NOD2: variants seen among roughly 807,000 people sequenced by gnomAD.
The protein encoded by NOD2 is nucleotide-binding oligomerization domain-containing protein 2.
In NOD2, 86 loss-of-function variants were observed where a neutral mutation model predicts 90.9. The ratio of observed to expected loss-of-function variants is 0.95; its 90% confidence interval spans 0.79 to 1.13. The LOEUF is 1.13. Among genes scored for constraint, NOD2 ranks in the 50% most tolerant of loss-of-function variants. The pLI, the probability that NOD2 is intolerant of heterozygous loss-of-function variation, is 0.00. For synonymous variants in NOD2, 581 were observed against 554.6 expected (o/e 1.05, Z -0.67); for missense variants, 1,238 against 1,283.8 (o/e 0.96, Z 0.55).
At chr16:50,716,046 G>T (rs1402714675) in intron 4 of NOD2, among the ~76,000 whole-genome samples, 1 of 152,164 alleles carries the variant, frequency 6.6e-6, no homozygotes, top group Non-Finnish European at 1.5e-5. Flanking sequence ...GCAGGGACTA[G>T]CCTGTTGGAG....
intron 9 of NOD2, among the ~76,000 whole-genome samples, chr16:50,723,880 G>A (rs1403188608): frequency 6.6e-6 from 1 of 151,384 alleles, no homozygotes; most frequent in Non-Finnish European, 1.5e-5. Flanking sequence ...TACTATTACT[G>A]CTGCTGCTGC....
chr16:50,703,938 G>GTGCTTTGT (rs1964062511), intron 2 of NOD2, among the ~76,000 whole-genome samples: 1 of 152,202 alleles, frequency 6.6e-6, no homozygotes, highest in East Asian at 1.9e-4. Context: ...ATGGCCAGAG[G>GTGCTTTGT]AAGTGGGCTG....
Position 50,733,003 on chromosome 16 carries a change from T to C in NOD2, c.*1184T>C, listed in dbSNP as rs1965507804. 6.6e-6 allele frequency: 1 copy of C among 152,402 alleles called. No individual in the cohort carries two copies. The highest frequency in any genetic ancestry group is 2.4e-5 in the African/African-American group (1 of 41,478). The allele number at this position is 152,402 out of a possible 1,614,324, so 9.4% of individuals were successfully genotyped here. ...ACTTTGTTTTACTGTCTTAAGTTTA[T>C]ACTCTTATAGACAACATGGCCGTGA... On this transcript the variant is annotated 3_prime_UTR_variant, in exon 12 of 12. Transcript: ENST00000647318.
intron 10 of NOD2, chr16:50,727,728 C>T (rs968352540): frequency 2.5e-5 from 9 of 355,118 alleles, no homozygotes; most frequent in East Asian, 7.8e-5. Context: ...CGGGTGTTGT[C>T]GTGGAGAATT....
At chr16:50,709,194 A>G (rs1964345562) in intron 3 of NOD2, among the ~76,000 whole-genome samples, 1 of 152,200 alleles carries the variant, frequency 6.6e-6, no homozygotes, top group Non-Finnish European at 1.5e-5. Flanking sequence ...GGATCCTGGT[A>G]TATTCAGAGG....
At chr16:50,718,330 G>A (rs1303893804) in intron 6 of NOD2, among the ~76,000 whole-genome samples, 2 of 152,210 alleles carry the variant, frequency 1.3e-5, no homozygotes, top group Non-Finnish European at 2.9e-5. Context: ...AGGAGCAGAC[G>A]ATCTTGATGA....
chr16:50,728,293 A>G, intron 10 of NOD2: 1 of 341,170 alleles, frequency 2.9e-6, no homozygotes, highest in Non-Finnish European at 5.8e-6. Context: ...TCCTTCGCAA[A>G]ACTTCTTGAA....
In NOD2 at chr16:50,732,565, A is replaced by C. The variant is rs145051635; in HGVS notation, c.*746A>C. ...AAAATATGACCACACTCCAGCTGGG[A>C]TCACATGTGGACTTTTATTTCCAGT... On this transcript the variant is annotated 3_prime_UTR_variant, in exon 12 of 12. Transcript: ENST00000647318. The C allele has an allele frequency of 1.3e-5, 2 of 152,848 alleles. No individual in the cohort carries two copies. The highest frequency in any genetic ancestry group is 3.8e-4 in the East Asian group (2 of 5,322). The allele number at this position is 152,848 out of a possible 1,614,324, so 9.5% of individuals were successfully genotyped here.
Position 50,716,972 on chromosome 16 carries a change from G to A in NOD2, c.2547G>A (p.Leu849=). ...CATGCAGGCAGAACTTCTTGGCATT[G>A]AGGTGAGCCCAGGTTTTCCTTATTC... ...LLACRQNFLA[L]RLGNNYITAA... is the part of the protein sequence containing the mutation. The change falls in exon 6 of 12, where the codon TTG becomes TTA. Residue 849 remains leucine, a splice_region_variant and synonymous_variant. Transcript: ENST00000647318. The A allele has an allele frequency of 1.9e-6, 3 of 1,614,196 alleles. No individual in the cohort carries two copies. Among genetic ancestry groups the A allele is most frequent in the Non-Finnish European group, 2.5e-6 (3 of 1,179,992 alleles).
At chr16:50,695,387 T>G (rs1596814746) in intron 1 of NOD2, among the ~76,000 whole-genome samples, 1 of 152,186 alleles carries the variant, frequency 6.6e-6, no homozygotes, top group African/African-American at 2.4e-5. Context: ...TCTGGAGGTT[T>G]GAAGCTGCCA....
intron 9 of NOD2, among the ~76,000 whole-genome samples, chr16:50,724,348 T>G (rs1289842717): frequency 6.6e-6 from 1 of 152,236 alleles, no homozygotes; most frequent in Non-Finnish European, 1.5e-5. Context: ...AACCTTGTTA[T>G]GAGAGCATCA....
intron 6 of NOD2, among the ~76,000 whole-genome samples, chr16:50,719,584 C>A (rs1018421861): frequency 6.6e-6 from 1 of 152,206 alleles, no homozygotes; most frequent in African/African-American, 2.4e-5. Flanking sequence ...GGGTCTGGAT[C>A]GAGGGCGGCT....
chr16:50,699,377 A>T, intron 1 of NOD2, 111 bp from the exon 2 acceptor site: 2 of 864,502 alleles, frequency 2.3e-6, no homozygotes, highest in Non-Finnish European at 2.0e-6. Context: ...GTCTGAGGCT[A>T]GAACCATGGC....
intron 8 of NOD2, 82 bp downstream of exon 8, chr16:50,722,787 T>C (rs2150833442): frequency 8.0e-7 from 1 of 1,251,182 alleles, no homozygotes; most frequent in South Asian, 1.2e-5. Context: ...TGAAGGTCTT[T>C]GAACTTTATT....
intron 2 of NOD2, among the ~76,000 whole-genome samples, chr16:50,706,125 T>G (rs891398003): frequency 2.0e-5 from 3 of 152,134 alleles, no homozygotes; most frequent in Non-Finnish European, 4.4e-5. Context: ...CATGGATGGC[T>G]AGGGGAAGGC....
Position 50,711,346 on chromosome 16 carries a change from C to G in NOD2, c.1354C>G (p.Leu452Val). 6.2e-7 allele frequency: 1 copy of G among 1,613,676 alleles called. No individual in the cohort carries two copies. Among genetic ancestry groups the G allele is most frequent in the Non-Finnish European group, 8.5e-7 (1 of 1,180,050 alleles). ...CCGCCTGCTCCAAGAGACCTCAGCC[C>G]TGCACGGTTTGTGCCACCTGCCTGT... ...LIRLLQETSA[L>V]HGLCHLPVFS... Residue 452 changes from leucine (L) to valine (V), a missense_variant, in exon 4 of 12, where the codon CTG becomes GTG. Leu to Val is a conservative substitution (Grantham distance 32). Transcript: ENST00000647318.
chr16:50,716,751 T>C (rs1964816184), intron 5 of NOD2, 81 bp downstream of exon 5: 2 of 1,517,822 alleles, frequency 1.3e-6, no homozygotes, highest in African/African-American at 1.4e-5. Flanking sequence ...AAGCTGTGAG[T>C]GATGGGCTGG....
intron 10 of NOD2, among the ~76,000 whole-genome samples, chr16:50,726,352 C>A (rs74017785): frequency 0.032 from 4,851 of 152,272 alleles, 254 homozygotes; most frequent in African/African-American, 0.11. Flanking sequence ...AAAACGCTTG[C>A]CTTTAGAGAC....
At chr16:50,714,426 G>A (rs1465018646) in intron 4 of NOD2, among the ~76,000 whole-genome samples, 1 of 152,124 alleles carries the variant, frequency 6.6e-6, no homozygotes, top group African/African-American at 2.4e-5. Context: ...GACACCCCTG[G>A]TGATTCTGAT....
Sources: gnomAD v4.1 joint callset for allele counts (sites outside exome capture counted in the v4.1 genomes callset) on GRCh38, gnomAD v4.1.1 for gene constraint, MANE v1.5 for transcripts, NCBI Gene and HGNC (gene_info 2026-07-23, HGNC 2026-07-21) for gene names.